MOB3A: variants seen among roughly 807,000 people sequenced by gnomAD.
The protein encoded by MOB3A is MOB LAK.
MOB3A carries 17 observed loss-of-function variants against 17.8 expected under a neutral mutation model. The observed-to-expected ratio is 0.95, with a 90% CI of 0.65 to 1.43. MOB3A has a LOEUF of 1.43. MOB3A is among the 40% of genes most tolerant of loss of function. The probability of loss-of-function intolerance (pLI) is 0.00; values close to 1 mark genes in which losing one functional copy is unlikely to be tolerated. For missense variants in MOB3A, 333 were observed against 310.8 expected (o/e 1.07, Z -0.54); for synonymous variants, 124 against 133.2 (o/e 0.93, Z 0.48).
intron 1 of MOB3A, among the ~76,000 whole-genome samples, chr19:2,090,338 A>G (rs2017599542): frequency 6.6e-6 from 1 of 152,122 alleles, no homozygotes; most frequent in Non-Finnish European, 1.5e-5. Flanking sequence ...GGCCCAGAGG[A>G]TGTTGGCGGG....
chr19:2,077,887 G>A (rs2017432556), intron 3 of MOB3A, among the ~76,000 whole-genome samples: 1 of 151,712 alleles, frequency 6.6e-6, no homozygotes, highest in Admixed American at 6.6e-5. Flanking sequence ...AGCCTCAAGC[G>A]ATCCTCCCAC....
In MOB3A at chr19:2,076,935, T is replaced by A; in HGVS notation, c.500A>T (p.Tyr167Phe). The A allele has an allele frequency of 6.2e-7, 1 of 1,613,966 alleles. No individual in the cohort carries two copies. Among genetic ancestry groups the A allele is most frequent in the Non-Finnish European group, 8.5e-7 (1 of 1,180,014 alleles). The change falls in exon 4 of 5, where the codon TAC becomes TTC. Residue 167 changes from tyrosine to phenylalanine, a missense_variant. Physicochemically the swap from Tyr to Phe is conservative, Grantham distance 22. Transcript: ENST00000357066. ...SRLFRVFVHV[Y>F]IHHFDRIAQM... ...CGCGATGCGGTCAAAGTGGTGGATGTAGACGTGCACGAACACGCGGAACAG... is the reference window on the plus strand; with the variant it reads ...CGCGATGCGGTCAAAGTGGTGGATGAAGACGTGCACGAACACGCGGAACAG...
chr19:2,073,204 C>A lies in MOB3A; in HGVS notation c.*191G>T. 1.5e-6 allele frequency: 1 copy of A among 670,242 alleles called. No individual in the cohort carries two copies. The highest frequency in any genetic ancestry group is 1.8e-5 in the African/African-American group (1 of 55,920). The allele number at this position is 670,242 out of a possible 1,614,324, so 41.5% of individuals were successfully genotyped here. On this transcript the variant is annotated 3_prime_UTR_variant, in exon 5 of 5. Transcript: ENST00000357066. ...TTTAGTCCCAGACGGGAGACTGAGG[C>A]TCGAGACTGAGGAAGGCATCTGCCG...
At chr19:2,080,304 C>T (rs2017470663) in intron 2 of MOB3A, among the ~76,000 whole-genome samples, 1 of 152,066 alleles carries the variant, frequency 6.6e-6, no homozygotes, top group African/African-American at 2.4e-5. Flanking sequence ...CACACATGCC[C>T]AGGCCTCCTG....
rs1568249804 is a variant in MOB3A, at chr19:2,073,148, C to T, written c.*247G>A. The T allele has an allele frequency of 1.8e-6, 1 of 565,392 alleles. No homozygotes were observed. Among genetic ancestry groups the T allele is most frequent in the Admixed American group, 3.2e-5 (1 of 31,556 alleles). 35.0% of individuals were successfully genotyped at this position (565,392 alleles called of 1,614,324 possible). A position where few individuals can be genotyped will look rare whatever the true frequency, so the allele number is the denominator to read the frequency against. On this transcript the variant is annotated 3_prime_UTR_variant, in exon 5 of 5. Transcript: ENST00000357066. ...AAAACACAGTGGGCTTTTCCGGTTG[C>T]TAGTAACACATAGAATTACAGAGTT...
At chr19:2,080,657 A>T (rs953796047) in intron 2 of MOB3A, among the ~76,000 whole-genome samples, 23 of 152,004 alleles carry the variant, frequency 1.5e-4, no homozygotes, top group African/African-American at 5.3e-4. Flanking sequence ...ATTGCAAGCG[A>T]GCACCACCGC....
At position 2,087,248 on chromosome 19, in the gene MOB3A, C is replaced by T. The variant is rs570150713; in HGVS notation, c.-273-1920G>A. ...ATTGACATATGACTCACATCCCACACGTTTTAACCTTTTCAGTTACAGTTC... is the reference window on the plus strand; with the variant it reads ...ATTGACATATGACTCACATCCCACATGTTTTAACCTTTTCAGTTACAGTTC... On this transcript the variant is annotated intron_variant, in intron 1 of 4. Transcript: ENST00000357066. 5.3e-5 allele frequency among the ~76,000 whole-genome samples: 8 copies of T among 152,346 alleles called. No homozygotes were observed. In the South Asian group the frequency reaches 6.2e-4, roughly 12 times the overall value.
chr19:2,096,469 C>G, upstream of MOB3A: 1 of 159,090 alleles, frequency 6.3e-6, no homozygotes. Context: ...GCCCGGGCGG[C>G]GAAGGCGCAC....
rs2017347986 is a variant in MOB3A, at chr19:2,072,278, T to C, written c.*1117A>G. On this transcript the variant is annotated 3_prime_UTR_variant, in exon 5 of 5. Transcript: ENST00000357066. ...CAACATGGTGAAATCTTGTCTCTAC[T>C]AAAACTACAATAATTTCCTGGGCGT... 1 of 151,890 alleles carries C rather than the reference T, an allele frequency of 6.6e-6. No homozygotes were observed. Among genetic ancestry groups the C allele is most frequent in the Non-Finnish European group, 1.5e-5 (1 of 67,984 alleles). 9.4% of individuals were successfully genotyped at this position (151,890 alleles called of 1,614,324 possible). A position where few individuals can be genotyped will look rare whatever the true frequency, so the allele number is the denominator to read the frequency against.
At chr19:2,092,109 CTGTT>C (rs968053240) in intron 1 of MOB3A, among the ~76,000 whole-genome samples, 14 of 132,252 alleles carry the variant, frequency 1.1e-4, no homozygotes, top group African/African-American at 4.0e-4. Context: ...TTTTAGCTGC[CTGTT>C]TGTTTGAGAT....
At chr19:2,084,378 C>T (rs1292311354) in intron 2 of MOB3A, among the ~76,000 whole-genome samples, 14 of 151,524 alleles carry the variant, frequency 9.2e-5, no homozygotes, top group Non-Finnish European at 2.9e-5. Context: ...CCTATAATCC[C>T]AGCTACTCAG....
intron 2 of MOB3A, among the ~76,000 whole-genome samples, chr19:2,083,609 C>T (rs2017516906): frequency 6.6e-6 from 1 of 152,298 alleles, no homozygotes; most frequent in African/African-American, 2.4e-5. Flanking sequence ...CGAGCAGATC[C>T]CCATCCACCC....
At chr19:2,086,926 G>A (rs903825799) in intron 1 of MOB3A, among the ~76,000 whole-genome samples, 39 of 152,006 alleles carry the variant, frequency 2.6e-4, no homozygotes, top group African/African-American at 9.4e-4. Context: ...TGAGTAGCTG[G>A]GACTACAGGC....
rs756166447 is a variant in MOB3A, at chr19:2,076,982, C to A, written c.453G>T (p.Thr151=). ...GTPFPKNFLQ[T]VRKILSRLFR... is the part of the protein sequence containing the mutation. ...ACAGCCGCGACAGGATCTTCCGCAC[C>A]GTCTGCAGGAAGTTCTTGGGAAACG... Residue 151 remains threonine (T), a synonymous_variant, in exon 4 of 5, where the codon ACG becomes ACT. Transcript: ENST00000357066. The A allele has an allele frequency of 6.2e-7, 1 of 1,613,684 alleles. No individual in the cohort carries two copies. Among genetic ancestry groups the A allele is most frequent in the Non-Finnish European group, 8.5e-7 (1 of 1,179,966 alleles).
chr19:2,092,301 A>G (rs2017623430), intron 1 of MOB3A, among the ~76,000 whole-genome samples: 2 of 151,806 alleles, frequency 1.3e-5, no homozygotes, highest in South Asian at 4.2e-4. Context: ...GGGTCTTACT[A>G]TGTTGCCCAG....
Position 2,073,060 on chromosome 19 carries a change from G to A in MOB3A, c.*335C>T. ...AGGCAGAAGTTCCAGGAGCCTGGGA[G>A]CCACCCAGGGCAAGGAGTGACCCTG... is the stretch of plus-strand genomic sequence containing the variant. On this transcript the variant is annotated 3_prime_UTR_variant, in exon 5 of 5. Transcript: ENST00000357066. 2.8e-6 allele frequency: 1 copy of A among 361,402 alleles called. No individual in the cohort carries two copies. The allele number at this position is 361,402 out of a possible 1,614,324, so 22.4% of individuals were successfully genotyped here. A position where few individuals can be genotyped will look rare whatever the true frequency, so the allele number is the denominator to read the frequency against.
intron 3 of MOB3A, among the ~76,000 whole-genome samples, chr19:2,077,259 G>A (rs2017424123): frequency 6.6e-6 from 1 of 152,094 alleles, no homozygotes; most frequent in Non-Finnish European, 1.5e-5. Flanking sequence ...AATATTAGCC[G>A]GGTGTGGTGG....
At chr19:2,075,773 C>T (rs996125908) in intron 4 of MOB3A, among the ~76,000 whole-genome samples, 2 of 152,038 alleles carry the variant, frequency 1.3e-5, no homozygotes, top group Non-Finnish European at 2.9e-5. Context: ...AACCTGGTAA[C>T]GTGGAAAGCA....
intron 1 of MOB3A, among the ~76,000 whole-genome samples, chr19:2,094,269 G>C (rs570828250): frequency 9.2e-5 from 14 of 151,910 alleles, no homozygotes; most frequent in African/African-American, 3.4e-4. Context: ...GTATGGTCTC[G>C]ATCTCCTGAC....
Sources: gnomAD v4.1 joint callset for allele counts (sites outside exome capture counted in the v4.1 genomes callset) on GRCh38, gnomAD v4.1.1 for gene constraint, MANE v1.5 for transcripts, NCBI Gene and HGNC (gene_info 2026-07-23, HGNC 2026-07-21) for gene names.